The following ADGRL3 variants were observed in gnomAD, a reference collection of about 807,000 sequenced individuals.
ADGRL3 encodes calcium-independent alpha-latrotoxin receptor 3.
Under a neutral mutation model 153.5 loss-of-function variants are expected in ADGRL3, and 62 were observed. The observed-to-expected ratio is 0.40, with a 90% CI of 0.33 to 0.50. The LOEUF is 0.50. Among genes scored for constraint, ADGRL3 ranks in the 20% least tolerant of loss-of-function variants. The pLI is 0.47. For missense variants in ADGRL3, 1,641 were observed against 1,859.4 expected (o/e 0.88, Z 2.16); for synonymous variants, 710 against 672.5 (o/e 1.06, Z -0.86).
intron 6 of ADGRL3, among the ~76,000 whole-genome samples, chr4:61,690,501 G>A (rs1019349020): frequency 2.0e-5 from 3 of 151,886 alleles, no homozygotes; most frequent in African/African-American, 7.3e-5. Context: ...TGGACAGAAA[G>A]AAAGACTGAA....
At chr4:61,486,844 T>A (rs2098200270) in intron 2 of ADGRL3, among the ~76,000 whole-genome samples, 1 of 152,190 alleles carries the variant, frequency 6.6e-6, no homozygotes, top group Admixed American at 6.5e-5. Context: ...TGGTTCTTGG[T>A]TACTCTCCTA....
Position 61,367,973 on chromosome 4 carries a change from T to A in ADGRL3, c.-239-15151T>A, listed in dbSNP as rs569030137. ...TATCTCATTGTGGTTTCGATTTGCA[T>A]TTCTCTGATGGCCAGTGATGGTGAG... On this transcript the variant is annotated intron_variant, in intron 1 of 26. Transcript: ENST00000683033. Among the ~76,000 whole-genome samples the A allele has an allele frequency of 6.9e-3, 1,040 of 151,674 alleles. 19 individuals are homozygous for A. Among genetic ancestry groups the A allele is most frequent in the African/African-American group, 0.024 (982 of 41,246 alleles).
At chr4:61,618,880 C>T (rs2092281648) in intron 5 of ADGRL3, among the ~76,000 whole-genome samples, 1 of 152,056 alleles carries the variant, frequency 6.6e-6, no homozygotes, top group African/African-American at 2.4e-5. Context: ...CAATACGCAG[C>T]TAATTTTTGT....
chr4:61,366,746 G>A (rs1452302175), intron 1 of ADGRL3, among the ~76,000 whole-genome samples: 1 of 152,096 alleles, frequency 6.6e-6, no homozygotes, highest in East Asian at 1.9e-4. Flanking sequence ...TGTAAATTGT[G>A]TTCCAATTAA....
chr4:61,715,726 A>C (rs1376572440), intron 6 of ADGRL3, among the ~76,000 whole-genome samples: 1 of 152,040 alleles, frequency 6.6e-6, no homozygotes, highest in Admixed American at 6.6e-5. Flanking sequence ...ATAAACATTT[A>C]TTATTTTCTT....
chr4:61,417,925 T>C (rs888748481), intron 2 of ADGRL3, among the ~76,000 whole-genome samples: 5 of 152,068 alleles, frequency 3.3e-5, no homozygotes, highest in African/African-American at 1.2e-4. Flanking sequence ...TTTTAGAAAA[T>C]GAAAGATGAA....
intron 2 of ADGRL3, among the ~76,000 whole-genome samples, chr4:61,453,651 T>C (rs1241420165): frequency 6.6e-6 from 1 of 152,144 alleles, no homozygotes; most frequent in Non-Finnish European, 1.5e-5. Flanking sequence ...TAAATTGGTT[T>C]GGAAGTATTT....
chr4:61,299,405 C>T (rs1030671991), intron 1 of ADGRL3, among the ~76,000 whole-genome samples: 5 of 152,018 alleles, frequency 3.3e-5, no homozygotes, highest in African/African-American at 4.8e-5. Context: ...CGTTTTTTGT[C>T]AGCATCCTCA....
intron 1 of ADGRL3, among the ~76,000 whole-genome samples, chr4:61,252,026 G>A (rs73214542): frequency 0.23 from 34,733 of 151,632 alleles, 4,217 homozygotes; most frequent in African/African-American, 0.31. Flanking sequence ...TGGGATTACA[G>A]GCACCTGCCA....
At chr4:61,521,923 A>G (rs1231861293) in intron 4 of ADGRL3, among the ~76,000 whole-genome samples, 1 of 152,156 alleles carries the variant, frequency 6.6e-6, no homozygotes, top group Non-Finnish European at 1.5e-5. Flanking sequence ...TAAAAATGTT[A>G]TGTGTTTAGC....
At chr4:61,532,132 T>A (rs2098622030) in intron 4 of ADGRL3, among the ~76,000 whole-genome samples, 1 of 152,186 alleles carries the variant, frequency 6.6e-6, no homozygotes, top group South Asian at 2.1e-4. Flanking sequence ...AAGGCATACC[T>A]TAATTTATAC....
chr4:61,568,727 C>T (rs2098826472), intron 4 of ADGRL3, among the ~76,000 whole-genome samples: 2 of 151,956 alleles, frequency 1.3e-5, no homozygotes, highest in African/African-American at 4.8e-5. Context: ...CTATTTGATC[C>T]TATTATATCC....
At chr4:62,044,319 A>G (rs1729951336) in intron 24 of ADGRL3, 134 bp from the exon 25 acceptor site, 1 of 646,092 alleles carries the variant, frequency 1.5e-6, no homozygotes, top group Admixed American at 2.7e-5. Context: ...CTGTACTGCA[A>G]ACATGTAGTT....
intron 17 of ADGRL3, among the ~76,000 whole-genome samples, chr4:61,967,140 A>C (rs919369309): frequency 1.8e-4 from 28 of 152,126 alleles, no homozygotes; most frequent in African/African-American, 6.8e-4. Flanking sequence ...GTGTGAAAAA[A>C]TGTATTAATT....
intron 23 of ADGRL3, among the ~76,000 whole-genome samples, chr4:62,037,273 TTC>T (rs1725565508): frequency 6.6e-6 from 1 of 152,064 alleles, no homozygotes; most frequent in African/African-American, 2.4e-5. Flanking sequence ...CTCTCTCTCT[TTC>T]TCTCTCCCCC....
chr4:61,888,490 A>G (rs888986890), intron 9 of ADGRL3, among the ~76,000 whole-genome samples: 4 of 152,246 alleles, frequency 2.6e-5, no homozygotes, highest in Non-Finnish European at 5.9e-5. Context: ...TAGCAATAAG[A>G]TGAATCCTTT....
At chr4:61,483,454 A>G (rs116285851) in intron 2 of ADGRL3, among the ~76,000 whole-genome samples, 18,079 of 152,182 alleles carry the variant, frequency 0.12, 1,304 homozygotes, top group Non-Finnish European at 0.15. Flanking sequence ...AAGAAAATTA[A>G]AGGCCTGGCG....
intron 8 of ADGRL3, among the ~76,000 whole-genome samples, chr4:61,754,093 G>A (rs184560102): frequency 3.9e-5 from 6 of 152,238 alleles, no homozygotes; most frequent in Non-Finnish European, 8.8e-5. Context: ...GGCCAGTTTC[G>A]AAGGGTCTTT....
At chr4:61,586,463 C>T (rs1204594818) in intron 4 of ADGRL3, among the ~76,000 whole-genome samples, 1 of 152,002 alleles carries the variant, frequency 6.6e-6, no homozygotes, top group Non-Finnish European at 1.5e-5. Flanking sequence ...TATATCATTA[C>T]ATTTATAAAT....
Sources: allele counts gnomAD v4.1 joint callset (sites outside exome capture counted in the v4.1 genomes callset), GRCh38; gene constraint gnomAD v4.1.1; transcripts MANE v1.5; gene names NCBI Gene and HGNC (gene_info 2026-07-23, HGNC 2026-07-21).